The following SORCS1 variants were observed in gnomAD, a reference collection of about 807,000 sequenced individuals.
SORCS1 encodes sortilin related VPS10 domain containing receptor 1.
SORCS1 carries 60 observed loss-of-function variants against 146.1 expected under a neutral mutation model. The ratio of observed to expected loss-of-function variants is 0.41; its 90% CI spans 0.33 to 0.51. The LOEUF (loss-of-function observed/expected upper bound fraction) is 0.51, where lower values mean the gene tolerates loss of function less well. SORCS1 is among the 20% of genes least tolerant of loss of function. The probability of loss-of-function intolerance (pLI) is 0.21; values close to 1 mark genes in which losing one functional copy is unlikely to be tolerated. For missense variants in SORCS1, 1,352 were observed against 1,487.6 expected, an observed-to-expected ratio of 0.91 and a Z score of 1.50; for synonymous variants, 637 against 584.0, an observed-to-expected ratio of 1.09 and a Z score of -1.31.
At chr10:107,028,030 CAAAG>C (rs1958484016) in intron 1 of SORCS1, among the ~76,000 whole-genome samples, 1 of 152,154 alleles carries the variant, frequency 6.6e-6, no homozygotes. Context: ...GTTATTTTAT[CAAAG>C]AAAGAAAACA....
At chr10:106,902,649 T>G (rs1161327190) in intron 2 of SORCS1, among the ~76,000 whole-genome samples, 1 of 152,214 alleles carries the variant, frequency 6.6e-6, no homozygotes, top group Non-Finnish European at 1.5e-5. Flanking sequence ...ATGGGTTACC[T>G]TTTTATTTAC....
At chr10:106,663,373 C>A (rs1333351435) in intron 17 of SORCS1, among the ~76,000 whole-genome samples, 1 of 151,822 alleles carries the variant, frequency 6.6e-6, no homozygotes, top group Non-Finnish European at 1.5e-5. Context: ...AATGCAAAGA[C>A]AAGTATTTAG....
chr10:107,024,921 G>A (rs7901204), intron 1 of SORCS1, among the ~76,000 whole-genome samples: 6,865 of 152,254 alleles, frequency 0.045, 399 homozygotes, highest in African/African-American at 0.13. Flanking sequence ...AGTTAAGGGA[G>A]AAGACAATAC....
At position 106,877,189 on chromosome 10, in the gene SORCS1, T is replaced by C. The variant is rs150000097; in HGVS notation, c.627-47516A>G. The stretch of plus-strand genomic sequence containing the variant: ...TCTACAAATTATGAACAATACAAAA[T>C]CTTCTCAAAAATTCAGGGATCAAAC... On this transcript the variant is annotated intron_variant, in intron 2 of 25. Transcript: ENST00000263054. Among the ~76,000 whole-genome samples, 503 of 152,252 alleles carry C rather than the reference T, an allele frequency of 3.3e-3. 6 individuals carry two copies. Among genetic ancestry groups the C allele is most frequent in the African/African-American group, 0.012 (488 of 41,560 alleles).
At chr10:106,892,549 A>G (rs1951276887) in intron 2 of SORCS1, among the ~76,000 whole-genome samples, 1 of 152,204 alleles carries the variant, frequency 6.6e-6, no homozygotes, top group Non-Finnish European at 1.5e-5. Context: ...ATATGTTGGG[A>G]CTTTATCAAG....
chr10:107,104,446 G>A (rs1056887089), intron 1 of SORCS1, among the ~76,000 whole-genome samples: 2 of 152,128 alleles, frequency 1.3e-5, no homozygotes, highest in Non-Finnish European at 2.9e-5. Context: ...CTAGCCAAGG[G>A]AAATACTTCA....
At chr10:106,934,194 T>A (rs2138635104) in intron 2 of SORCS1, among the ~76,000 whole-genome samples, 1 of 152,128 alleles carries the variant, frequency 6.6e-6, no homozygotes, top group African/African-American at 2.4e-5. Flanking sequence ...TATACACTGC[T>A]TATGGGAATG....
At chr10:107,088,104 G>A (rs537060713) in intron 1 of SORCS1, among the ~76,000 whole-genome samples, 1 of 152,028 alleles carries the variant, frequency 6.6e-6, no homozygotes, top group East Asian at 1.9e-4. Flanking sequence ...ATTTTTACTA[G>A]AGACGGGGTT....
Position 106,662,625 on chromosome 10 carries a change from T to C in SORCS1, c.2303+5064A>G, listed in dbSNP as rs187814964. The stretch of plus-strand genomic sequence containing the variant: ...GACCATGGATGGCTTAAAATGGCAC[T>C]GGACACAGGGTTCCCAGTGGCTGCT... On this transcript the variant is annotated intron_variant, in intron 17 of 25. Coordinates refer to ENST00000263054, the MANE Select transcript of SORCS1 (RefSeq NM_052918.5). Among the ~76,000 whole-genome samples the C allele has an allele frequency of 2.5e-3, 378 of 152,326 alleles. 1 individual carries two copies. The highest frequency in any genetic ancestry group is 3.1e-3 in the African/African-American group (129 of 41,578).
intron 1 of SORCS1, among the ~76,000 whole-genome samples, chr10:107,145,872 A>G (rs188892755): frequency 1.1e-4 from 16 of 152,214 alleles, no homozygotes; most frequent in Non-Finnish European, 1.8e-4. Context: ...AAGGAGCCCA[A>G]ATTATTTGCA....
intron 3 of SORCS1, among the ~76,000 whole-genome samples, chr10:106,828,360 G>A (rs1216313049): frequency 6.6e-6 from 1 of 152,164 alleles, no homozygotes; most frequent in African/African-American, 2.4e-5. Context: ...GGGAGCTTTA[G>A]TAAGATATAG....
At chr10:106,607,322 C>T (rs368748772) in intron 22 of SORCS1, 25 bp from the exon 23 acceptor site, 496 of 1,612,658 alleles carry the variant, frequency 3.1e-4, no homozygotes, top group Non-Finnish European at 4.1e-4. Flanking sequence ...CAGGGGCTCA[C>T]ATTAGTGCTG....
chr10:106,829,781 A>G (rs990323837), intron 2 of SORCS1, 108 bp from the exon 3 acceptor site: 6 of 699,378 alleles, frequency 8.6e-6, no homozygotes, highest in African/African-American at 6.9e-5. Flanking sequence ...AGGTTTCTCA[A>G]TGATTCATGT....
chr10:107,059,495 T>G (rs1225804484), intron 1 of SORCS1, among the ~76,000 whole-genome samples: 1 of 152,188 alleles, frequency 6.6e-6, no homozygotes, highest in Non-Finnish European at 1.5e-5. Context: ...GCCTGGTAAC[T>G]GCCCAGATGA....
chr10:106,711,528 C>G (rs150834474), intron 6 of SORCS1, among the ~76,000 whole-genome samples: 93 of 152,294 alleles, frequency 6.1e-4, no homozygotes, highest in East Asian at 1.4e-3. Flanking sequence ...GGCATGCACT[C>G]TTGCTCCCTC....
At chr10:107,161,237 G>A (rs1245570594) in intron 1 of SORCS1, among the ~76,000 whole-genome samples, 2 of 152,184 alleles carry the variant, frequency 1.3e-5, no homozygotes, top group African/African-American at 2.4e-5. Context: ...TTTGCACCTT[G>A]AATGCAGGTG....
At chr10:106,900,969 C>CT (rs898744861) in intron 2 of SORCS1, among the ~76,000 whole-genome samples, 1 of 152,002 alleles carries the variant, frequency 6.6e-6, no homozygotes, top group African/African-American at 2.4e-5. Flanking sequence ...TGTGTGTGTG[C>CT]TTTTTTCCCA....
chr10:106,890,307 A>G (rs1300349380), intron 2 of SORCS1, among the ~76,000 whole-genome samples: 1 of 151,872 alleles, frequency 6.6e-6, no homozygotes, highest in Non-Finnish European at 1.5e-5. Context: ...CTTTTTTTCT[A>G]TCTCTAAATA....
At chr10:106,767,894 T>C (rs1464965038) in intron 4 of SORCS1, among the ~76,000 whole-genome samples, 1 of 152,232 alleles carries the variant, frequency 6.6e-6, no homozygotes, top group Non-Finnish European at 1.5e-5. Context: ...TACAAAACTA[T>C]TAAATAGCAC....
Sources: allele counts gnomAD v4.1 joint callset (sites outside exome capture counted in the v4.1 genomes callset), GRCh38; gene constraint gnomAD v4.1.1; transcripts MANE v1.5; gene names NCBI Gene and HGNC (gene_info 2026-07-23, HGNC 2026-07-21).